The following HSPA14 variants were observed in gnomAD, a reference collection of about 807,000 sequenced individuals.
HSPA14 encodes the protein heat shock 70 kDa protein 14.
Under a neutral mutation model 65.5 loss-of-function variants are expected in HSPA14, and 37 were observed. That is an observed-to-expected ratio of 0.56 (90% CI 0.43 to 0.74). The LOEUF is 0.74. Among genes scored for constraint, HSPA14 ranks in the 30% least tolerant of loss-of-function variants. HSPA14 has a pLI of 0.00. For synonymous variants in HSPA14, 203 were observed against 214.2 expected, an observed-to-expected ratio of 0.95 and a Z score of 0.46; for missense variants, 564 against 607.6, an observed-to-expected ratio of 0.93 and a Z score of 0.75.
Position 14,846,582 on chromosome 10 carries a change from C to T in HSPA14, c.222-2027C>T, listed in dbSNP as rs570398807. The T allele has an allele frequency of 3.2e-5, 31 of 981,302 alleles. 1 individual carries two copies. In the South Asian group the frequency reaches 4.7e-4, roughly 15 times the overall value. The allele number at this position is 981,302 out of a possible 1,614,324, so 60.8% of individuals were successfully genotyped here. On this transcript the variant is annotated intron_variant, in intron 3 of 13. Transcript: ENST00000378372. ...GTAGACCCAACCATTACTACTTGAA[C>T]CCCCTTAGAAAAGCTTTTCCAGCAT...
chr10:14,839,151 C>T (rs1833935619), intron 1 of HSPA14, among the ~76,000 whole-genome samples: 1 of 152,188 alleles, frequency 6.6e-6, no homozygotes, highest in Non-Finnish European at 1.5e-5. Flanking sequence ...GACTTGTGGC[C>T]TTTCTCTCAT....
chr10:14,854,749 G>T (rs1023865817), intron 9 of HSPA14, among the ~76,000 whole-genome samples: 2 of 152,110 alleles, frequency 1.3e-5, no homozygotes, highest in African/African-American at 4.8e-5. Flanking sequence ...GTTTAGTTTA[G>T]CTTCTTCACT....
chr10:14,869,867 T>C (rs1832839693), intron 12 of HSPA14, among the ~76,000 whole-genome samples: 3 of 152,228 alleles, frequency 2.0e-5, no homozygotes, highest in Non-Finnish European at 1.5e-5. Context: ...GCTGCCACTA[T>C]ATCCTAACTT....
intron 9 of HSPA14, among the ~76,000 whole-genome samples, chr10:14,855,341 C>G (rs1044778336): frequency 2.6e-5 from 4 of 152,078 alleles, no homozygotes; most frequent in Non-Finnish European, 5.9e-5. Context: ...TTGTTATCTG[C>G]CAGCATTCAA....
At chr10:14,865,909 A>G (rs961277893) in intron 10 of HSPA14, among the ~76,000 whole-genome samples, 4 of 152,150 alleles carry the variant, frequency 2.6e-5, no homozygotes, top group African/African-American at 7.2e-5. Context: ...CCTGGGCAGT[A>G]TGGCCATTTT....
chr10:14,864,888 G>A (rs531385281), intron 10 of HSPA14, among the ~76,000 whole-genome samples: 1 of 152,246 alleles, frequency 6.6e-6, no homozygotes, highest in African/African-American at 2.4e-5. Context: ...AGATCCCTGA[G>A]GAATCGCCAC....
intron 10 of HSPA14, 123 bp from the exon 11 acceptor site, chr10:14,866,956 TAATA>T: frequency 3.3e-6 from 2 of 613,332 alleles, no homozygotes; most frequent in South Asian, 2.2e-5. Context: ...CATAACATGT[TAATA>T]TATAGGGCTT....
intron 3 of HSPA14, among the ~76,000 whole-genome samples, chr10:14,847,368 A>G (rs1834068482): frequency 6.6e-6 from 1 of 152,140 alleles, no homozygotes; most frequent in African/African-American, 2.4e-5. Context: ...CACTTTATCT[A>G]TTTTTCCTAT....
intron 1 of HSPA14, among the ~76,000 whole-genome samples, chr10:14,839,594 G>A (rs1588803886): frequency 2.0e-5 from 3 of 151,928 alleles, no homozygotes; most frequent in East Asian, 1.9e-4. Context: ...AAAAGAAATG[G>A]TAATGGTAAG....
intron 3 of HSPA14, among the ~76,000 whole-genome samples, chr10:14,848,344 C>T (rs1400545265): frequency 1.3e-5 from 2 of 152,086 alleles, no homozygotes; most frequent in Non-Finnish European, 2.9e-5. Flanking sequence ...ATATATAGCA[C>T]CTATTAATAG....
chr10:14,865,555 T>G (rs561065789), intron 10 of HSPA14, among the ~76,000 whole-genome samples: 101 of 152,372 alleles, frequency 6.6e-4, no homozygotes, highest in Middle Eastern at 3.4e-3. Context: ...AGCCAAGTTT[T>G]CCCAGCACCA....
intron 8 of HSPA14, among the ~76,000 whole-genome samples, chr10:14,852,888 G>A (rs1834119399): frequency 1.3e-5 from 2 of 152,270 alleles, no homozygotes; most frequent in South Asian, 4.1e-4. Context: ...TTAAAAGTTT[G>A]GCTCTGGTGA....
At chr10:14,862,420 G>C (rs1001911666) in intron 10 of HSPA14, among the ~76,000 whole-genome samples, 4 of 148,496 alleles carry the variant, frequency 2.7e-5, no homozygotes, top group African/African-American at 1.0e-4. Flanking sequence ...TGTCGCCCAG[G>C]CTGGAGTGCA....
intron 3 of HSPA14, chr10:14,843,336 T>G (rs1833999219): frequency 6.5e-7 from 1 of 1,549,912 alleles, no homozygotes; most frequent in Non-Finnish European, 8.7e-7. Context: ...TTAGCAGGAA[T>G]GTTCTCTTTG....
intron 6 of HSPA14, 155 bp from the exon 7 acceptor site, chr10:14,851,064 T>G: frequency 1.7e-6 from 1 of 573,222 alleles, no homozygotes; most frequent in Middle Eastern, 4.6e-4. Flanking sequence ...ATTCATTTCT[T>G]GTTTTCTATA....
At chr10:14,859,973 A>G (rs773752704) in intron 10 of HSPA14, among the ~76,000 whole-genome samples, 2 of 152,268 alleles carry the variant, frequency 1.3e-5, no homozygotes, top group South Asian at 2.1e-4. Context: ...GTAATAACTT[A>G]TAGTATTTAG....
intron 12 of HSPA14, among the ~76,000 whole-genome samples, chr10:14,868,232 C>T (rs570679979): frequency 2.0e-5 from 3 of 152,170 alleles, no homozygotes; most frequent in African/African-American, 7.2e-5. Flanking sequence ...TTATTGTGTA[C>T]GTTTTACAGA....
intron 3 of HSPA14, chr10:14,844,016 C>T (rs1360480970): frequency 4.8e-6 from 7 of 1,452,086 alleles, no homozygotes; most frequent in Non-Finnish European, 5.4e-6. Context: ...CCATTTATAT[C>T]CAGATAGTAT....
intron 1 of HSPA14, 185 bp downstream of exon 1, chr10:14,838,644 A>T (rs1833924606): frequency 1.7e-6 from 1 of 576,984 alleles, no homozygotes; most frequent in African/African-American, 2.0e-5. Context: ...ATTCCTCCGG[A>T]AAGTCGTCTA....
Sources: allele counts gnomAD v4.1 joint callset (sites outside exome capture counted in the v4.1 genomes callset), GRCh38; gene constraint gnomAD v4.1.1; transcripts MANE v1.5; gene names NCBI Gene and HGNC (gene_info 2026-07-23, HGNC 2026-07-21).